ITGB7: variants seen among roughly 807,000 people sequenced by gnomAD.
ITGB7 encodes the protein integrin subunit beta 7.
Under a neutral mutation model 83.4 loss-of-function variants are expected in ITGB7, and 55 were observed. The observed-to-expected ratio is 0.66, with a 90% confidence interval of 0.53 to 0.83. The LOEUF (loss-of-function observed/expected upper bound fraction) is 0.83. ITGB7 is among the 40% of genes least tolerant of loss of function. The pLI is 0.00. For missense variants in ITGB7, 921 were observed against 1,046.7 expected, an observed-to-expected ratio of 0.88 and a Z score of 1.66; for synonymous variants, 454 against 423.6, an observed-to-expected ratio of 1.07 and a Z score of -0.88.
In ITGB7 at chr12:53,193,986, C is replaced by T. The variant is rs1320441925; in HGVS notation, c.1309-85G>A. 5 of 1,398,900 alleles carry T rather than the reference C, an allele frequency of 3.6e-6. No homozygotes were observed. In the Admixed American group the frequency reaches 8.3e-5, roughly 23 times the overall value. 86.7% of individuals were successfully genotyped at this position (1,398,900 alleles called of 1,614,324 possible). A position where few individuals can be genotyped will look rare whatever the true frequency, so the allele number is the denominator to read the frequency against. On this transcript the variant is annotated intron_variant, in intron 10 of 15. Coordinates refer to ENST00000267082, the MANE Select transcript of ITGB7 (RefSeq NM_000889.3). ...TCACCAATCATCCAGAACCTCACCC[C>T]TTAGTAAATGAAGGGATGGGGTCAT...
intron 1 of ITGB7, among the ~76,000 whole-genome samples, chr12:53,202,363 GT>G (rs1258085205): frequency 1.3e-5 from 2 of 151,462 alleles, no homozygotes; most frequent in African/African-American, 4.8e-5. Context: ...TGTCTTTTTT[GT>G]TTTGTTTTGT....
intron 11 of ITGB7, 162 bp downstream of exon 11, chr12:53,193,546 A>G (rs1592398299): frequency 5.4e-6 from 4 of 746,770 alleles, no homozygotes; most frequent in Non-Finnish European, 8.7e-6. Flanking sequence ...AGTCAGGGGG[A>G]GGGCCTGGAC....
chr12:53,193,574 A>C, intron 11 of ITGB7, 134 bp downstream of exon 11: 1 of 854,342 alleles, frequency 1.2e-6, no homozygotes, highest in Non-Finnish European at 1.8e-6. Flanking sequence ...GGAAGCTTCA[A>C]GGGATGAAAC....
chr12:53,193,584 C>G, intron 11 of ITGB7, 124 bp downstream of exon 11: 1 of 908,712 alleles, frequency 1.1e-6, no homozygotes, highest in Non-Finnish European at 1.7e-6. Flanking sequence ...AGGGATGAAA[C>G]TGAGTGGGGA....
chr12:53,193,401 G>A (rs1362192732), intron 11 of ITGB7, 38 bp from the exon 12 acceptor site: 9 of 1,439,952 alleles, frequency 6.3e-6, no homozygotes, highest in East Asian at 2.4e-5. Context: ...TAGGTCAGAG[G>A]GTTTGATCAC....
chr12:53,200,484 G>C, intron 2 of ITGB7, 38 bp from the exon 3 acceptor site: 2 of 1,556,610 alleles, frequency 1.3e-6, no homozygotes, highest in Non-Finnish European at 1.8e-6. Flanking sequence ...TGGGTCCTCA[G>C]GGAGGACTCT....
intron 6 of ITGB7, 138 bp downstream of exon 6, chr12:53,196,441 C>G (rs1391900609): frequency 1.6e-6 from 2 of 1,246,416 alleles, no homozygotes; most frequent in Non-Finnish European, 2.2e-6. Flanking sequence ...TCCAACCCAC[C>G]AGGTAATTGC....
intron 1 of ITGB7, among the ~76,000 whole-genome samples, chr12:53,203,384 A>G (rs551469186): frequency 1.6e-4 from 24 of 152,308 alleles, no homozygotes; most frequent in Admixed American, 3.9e-4. Flanking sequence ...ATGGTGGCTC[A>G]CACCTGTAAT....
intron 3 of ITGB7, among the ~76,000 whole-genome samples, chr12:53,199,082 T>C (rs1459890798): frequency 6.6e-6 from 1 of 152,208 alleles, no homozygotes. Flanking sequence ...CCTGGGTCCC[T>C]GTGTGCCTTT....
rs532145547 is a variant in ITGB7, at chr12:53,193,156, C to G, written c.1710G>C (p.Glu570Asp). 3.1e-6 allele frequency: 5 copies of G among 1,611,642 alleles called. No homozygotes were observed. The highest frequency in any genetic ancestry group is 2.2e-5 in the South Asian group (2 of 90,946). ...ECDDASCERH[E>D]GILCGGFGRC... ...TCCAGGTACCTCCGCAGAGGATGCC[C>G]TCATGTCGCTCACAGCTGGCATCGT... is the stretch of plus-strand genomic sequence containing the variant. The change falls in exon 12 of 16, where the codon GAG becomes GAC. Residue 570 changes from glutamate (E) to aspartate (D), a missense_variant. Coordinates refer to ENST00000267082, the MANE Select transcript of ITGB7 (RefSeq NM_000889.3).
chr12:53,196,310 C>G (rs1942158338), intron 6 of ITGB7, 111 bp from the exon 7 acceptor site: 3 of 1,313,692 alleles, frequency 2.3e-6, no homozygotes, highest in East Asian at 4.7e-5. Flanking sequence ...TCAGCTTGTC[C>G]ATCCCCTTGC....
rs764841995 is a variant in ITGB7 at position 53,196,688 on chromosome 12, G to A, written c.707C>T (p.Thr236Met). The change falls in exon 6 of 16, where the codon ACG becomes ATG. Residue 236 changes from threonine (T) to methionine (M), a missense_variant. Physicochemically the swap from Thr to Met is moderately conservative, Grantham distance 81 (BLOSUM62 -1). Transcript: ENST00000267082. ...CCGCTCGAAGGCTTGTGCGTCCCCC[G>A]TCAGGGACAGCACATGGTGAAAGCT... ...PFSFHHVLSL[T>M]GDAQAFEREV... 8 of 1,612,026 alleles carry A rather than the reference G, an allele frequency of 5.0e-6. No individual in the cohort carries two copies. The highest frequency in any genetic ancestry group is 5.9e-6 in the Non-Finnish European group (7 of 1,178,958).
chr12:53,201,543 AG>A (rs1942321511), intron 1 of ITGB7, among the ~76,000 whole-genome samples: 1 of 152,192 alleles, frequency 6.6e-6, no homozygotes, highest in South Asian at 2.1e-4. Flanking sequence ...AGGAAAGCCA[AG>A]CAAATTCCTG....
chr12:53,195,849 A>G (rs1942144389), intron 7 of ITGB7, 128 bp from the exon 8 acceptor site: 1 of 979,636 alleles, frequency 1.0e-6, no homozygotes, highest in Non-Finnish European at 1.6e-6. Context: ...CTTGCTATGG[A>G]ATAGGAAGGA....
At chr12:53,196,894 T>G in intron 5 of ITGB7, 74 bp from the exon 6 acceptor site, 3 of 1,517,284 alleles carry the variant, frequency 2.0e-6, no homozygotes, top group Non-Finnish European at 8.9e-7. Flanking sequence ...GAGCGCTCTA[T>G]GGGAAGTGGG....
chr12:53,201,512 G>A (rs1366469571), intron 1 of ITGB7, among the ~76,000 whole-genome samples: 5 of 152,150 alleles, frequency 3.3e-5, no homozygotes, highest in Non-Finnish European at 7.4e-5. Context: ...TGGAGACAGG[G>A]TAATACCTTG....
In ITGB7 at chr12:53,192,379, C is replaced by A. The variant is rs770063578; in HGVS notation, c.2106G>T (p.Val702=). 3.8e-5 allele frequency: 62 copies of A among 1,614,164 alleles called. 1 individual carries two copies. The highest frequency in any genetic ancestry group is 2.6e-4 in the South Asian group (24 of 91,080). ...CGACCGTGCCTCTGGCGTCATCCTCCACCAAGAAGAAGAACAGCTGGTTGT... is the reference window on the plus strand; with the variant it reads ...CGACCGTGCCTCTGGCGTCATCCTCAACCAAGAAGAAGAACAGCTGGTTGT... ...TLDNQLFFFL[V]EDDARGTVVL... The change falls in exon 14 of 16, where the codon GTG becomes GTT. Residue 702 remains valine, a synonymous_variant. Coordinates refer to ENST00000267082, the MANE Select transcript of ITGB7 (RefSeq NM_000889.3).
At chr12:53,192,622 G>A in intron 13 of ITGB7, 69 bp downstream of exon 13, 2 of 1,596,350 alleles carry the variant, frequency 1.3e-6, no homozygotes, top group Non-Finnish European at 1.7e-6. Flanking sequence ...ACGGAGAGTA[G>A]GCAGATGGGA....
chr12:53,195,064 G>A (rs1942110349), intron 9 of ITGB7: 1 of 334,062 alleles, frequency 3.0e-6, no homozygotes. Flanking sequence ...GCTTTTGGCA[G>A]GGTTAAATGA....
Sources: allele counts gnomAD v4.1 joint callset (sites outside exome capture counted in the v4.1 genomes callset), GRCh38; gene constraint gnomAD v4.1.1; transcripts MANE v1.5; gene names NCBI Gene and HGNC (gene_info 2026-07-23, HGNC 2026-07-21).